The following PPP1R9A variants were observed in gnomAD, a reference collection of about 807,000 sequenced individuals.
PPP1R9A encodes protein phosphatase 1 regulatory subunit 9A.
PPP1R9A carries 59 observed loss-of-function variants against 141.9 expected under a neutral mutation model. That is an observed-to-expected ratio of 0.42 (90% confidence interval 0.34 to 0.52). PPP1R9A has a LOEUF of 0.52. PPP1R9A is among the 20% of genes least tolerant of loss of function. PPP1R9A has a pLI of 0.10. For missense variants in PPP1R9A, 1,444 were observed against 1,611.9 expected (o/e 0.90, Z 1.78); for synonymous variants, 500 against 569.7 (o/e 0.88, Z 1.74).
intron 2 of PPP1R9A, among the ~76,000 whole-genome samples, chr7:94,940,508 A>G (rs916985399): frequency 2.6e-5 from 4 of 152,088 alleles, no homozygotes; most frequent in African/African-American, 9.7e-5. Context: ...GATGCTAATC[A>G]TAGCTCATAA....
At chr7:95,107,152 C>T (rs1337301726) in intron 2 of PPP1R9A, among the ~76,000 whole-genome samples, 1 of 152,060 alleles carries the variant, frequency 6.6e-6, no homozygotes, top group African/African-American at 2.4e-5. Context: ...TTTTAATTTG[C>T]ATTTGCTTAA....
chr7:95,045,337 A>T (rs1197030970), intron 2 of PPP1R9A, among the ~76,000 whole-genome samples: 1 of 152,166 alleles, frequency 6.6e-6, no homozygotes, highest in African/African-American at 2.4e-5. Context: ...GTGGCGTATG[A>T]CCTTTTGATT....
chr7:95,286,414 T>C, intron 18 of PPP1R9A, 89 bp downstream of exon 18: 1 of 1,549,290 alleles, frequency 6.5e-7, no homozygotes, highest in Non-Finnish European at 8.7e-7. Flanking sequence ...TTAGGGTAGA[T>C]ATTGCATAGA....
rs146474967 is a variant in PPP1R9A, at chr7:95,177,714, G to A, written c.1754+15743G>A. The stretch of plus-strand genomic sequence containing the variant: ...TTTCATGCAAATGGACACCAAAAGC[G>A]AGGAGTAGCTATTCTTACAAAAGAC... On this transcript the variant is annotated intron_variant, in intron 5 of 19. Coordinates refer to ENST00000433360, the MANE Select transcript of PPP1R9A (RefSeq NM_001166160.2). Among the ~76,000 whole-genome samples the A allele has an allele frequency of 7.7e-3, 1,174 of 152,064 alleles. 28 individuals are homozygous for A. The highest frequency in any genetic ancestry group is 0.04 in the Admixed American group (616 of 15,256).
intron 2 of PPP1R9A, among the ~76,000 whole-genome samples, chr7:94,950,039 A>G (rs1241219936): frequency 2.6e-5 from 4 of 151,932 alleles, no homozygotes; most frequent in Non-Finnish European, 5.9e-5. Flanking sequence ...GATCCCAAAA[A>G]CACTTTGTCT....
At chr7:95,072,299 T>C (rs1813934160) in intron 2 of PPP1R9A, among the ~76,000 whole-genome samples, 1 of 145,016 alleles carries the variant, frequency 6.9e-6, no homozygotes, top group Admixed American at 7.1e-5. Context: ...TTATAAAAAT[T>C]AATAATATTG....
At chr7:95,254,475 A>C (rs142608450) in intron 12 of PPP1R9A, among the ~76,000 whole-genome samples, 2 of 152,052 alleles carry the variant, frequency 1.3e-5, no homozygotes, top group Non-Finnish European at 2.9e-5. Flanking sequence ...TCCATCACCA[A>C]CGTTTTGTAC....
rs1836602367 is a variant in PPP1R9A, at chr7:95,198,386, G to C, written c.1792G>C (p.Glu598Gln). ...IGREKPGQVS[E>Q]VAQLISQTLE... is the part of the protein sequence containing the mutation. The stretch of plus-strand genomic sequence containing the variant: ...GCGGGAAAAACCAGGACAAGTGAGC[G>C]AGGTTGCCCAGTTGATAAGCCAGAC... The change falls in exon 6 of 20, where the codon GAG (glutamate) becomes CAG (glutamine). Residue 598 changes from glutamate to glutamine, a missense_variant. Physicochemically the swap from Glu to Gln is conservative, Grantham distance 29. This residue lies in a region of PPP1R9A where 488 missense variants were observed against 542.0 expected (regional missense o/e 0.90). Coordinates refer to ENST00000433360, the MANE Select transcript of PPP1R9A (RefSeq NM_001166160.2). The C allele has an allele frequency of 6.2e-7, 1 of 1,612,450 alleles. No homozygotes were observed. Among genetic ancestry groups the C allele is most frequent in the Non-Finnish European group, 8.5e-7 (1 of 1,179,442 alleles).
intron 2 of PPP1R9A, among the ~76,000 whole-genome samples, chr7:94,997,023 C>G (rs1265085975): frequency 6.6e-6 from 1 of 152,078 alleles, no homozygotes; most frequent in Non-Finnish European, 1.5e-5. Context: ...AGGCTGGTCT[C>G]AAACTCCTGA....
At chr7:95,177,056 C>T (rs1340467618) in intron 5 of PPP1R9A, among the ~76,000 whole-genome samples, 5 of 152,030 alleles carry the variant, frequency 3.3e-5, no homozygotes, top group Non-Finnish European at 5.9e-5. Flanking sequence ...ATCACCCAGG[C>T]GCATTGTCAT....
intron 12 of PPP1R9A, among the ~76,000 whole-genome samples, chr7:95,258,146 G>C (rs1376562709): frequency 1.3e-5 from 2 of 151,912 alleles, no homozygotes; most frequent in Non-Finnish European, 2.9e-5. Flanking sequence ...GTGTAAAAGT[G>C]TTCCTATTTC....
At chr7:95,093,045 A>C (rs1267125766) in intron 2 of PPP1R9A, among the ~76,000 whole-genome samples, 3 of 152,230 alleles carry the variant, frequency 2.0e-5, no homozygotes, top group African/African-American at 7.2e-5. Flanking sequence ...TCAATATGGC[A>C]GGTGGAGATG....
At chr7:94,992,380 C>T (rs1356013102) in intron 2 of PPP1R9A, among the ~76,000 whole-genome samples, 1 of 152,100 alleles carries the variant, frequency 6.6e-6, no homozygotes, top group African/African-American at 2.4e-5. Flanking sequence ...TGTTTGTTCG[C>T]CTGATGACAG....
chr7:95,286,011 G>T (rs1358994468), intron 17 of PPP1R9A, among the ~76,000 whole-genome samples, 195 bp from the exon 18 acceptor site: 1 of 152,128 alleles, frequency 6.6e-6, no homozygotes, highest in Non-Finnish European at 1.5e-5. Flanking sequence ...TCATCACATG[G>T]AGAAAGCACC....
In PPP1R9A at chr7:94,911,199, A is replaced by G. The variant is rs150356554; in HGVS notation, c.1086A>G (p.Lys362=). Residue 362 remains lysine, a synonymous_variant, in exon 2 of 20, where the codon AAA becomes AAG. Transcript: ENST00000433360. ...GGGAGGCAGCAAAGCAACAGAGGAA[A>G]GAACTTGCAGGTGGTGATTTCACCT... ...VGREAAKQQR[K]ELAGGDFTSP... is the part of the protein sequence containing the mutation. 97 of 1,614,248 alleles carry G rather than the reference A, an allele frequency of 6.0e-5. No homozygotes were observed. The African/African-American group carries it at 1.0e-3, about 17-fold the overall frequency.
At chr7:95,040,210 A>C (rs1809030640) in intron 2 of PPP1R9A, among the ~76,000 whole-genome samples, 1 of 152,050 alleles carries the variant, frequency 6.6e-6, no homozygotes, top group Non-Finnish European at 1.5e-5. Context: ...AGACCTAATA[A>C]CTTCTCTCTC....
At chr7:94,942,352 A>G (rs924839797) in intron 2 of PPP1R9A, among the ~76,000 whole-genome samples, 7 of 152,214 alleles carry the variant, frequency 4.6e-5, no homozygotes, top group African/African-American at 1.2e-4. Flanking sequence ...GAATAAGTCA[A>G]CCCTATCAAT....
chr7:95,205,684 G>A (rs1483093213), intron 7 of PPP1R9A, among the ~76,000 whole-genome samples: 2 of 152,112 alleles, frequency 1.3e-5, no homozygotes, highest in African/African-American at 4.8e-5. Flanking sequence ...TTGTATGTCA[G>A]CTTAATCCTG....
chr7:94,910,253 A>G lies in PPP1R9A; in HGVS notation c.140A>G (p.Glu47Gly), dbSNP rs776954561. Reference protein sequence around the residue: ...PKSDGEQKTKEGEGSQQSRGR... With the variant: ...PKSDGEQKTKGGEGSQQSRGR... ...TCAGATGGGGAACAAAAAACAAAAG[A>G]AGGTGAGGGCTCCCAGCAGAGCAGG... The change falls in exon 2 of 20, where the codon GAA (glutamate) becomes GGA (glycine). Residue 47 changes from glutamate to glycine, a missense_variant. Transcript: ENST00000433360. This position sits in a 1 kb window ranked among gnomAD's most constrained non-coding sequence, Gnocchi z 4.5. 20 of 1,614,000 alleles carry G rather than the reference A, an allele frequency of 1.2e-5. No homozygotes were observed. The South Asian group carries it at 2.2e-4, about 18-fold the overall frequency.
Sources: allele counts gnomAD v4.1 joint callset (sites outside exome capture counted in the v4.1 genomes callset), GRCh38; gene constraint gnomAD v4.1.1; regional missense constraint gnomAD v4.1.1; non-coding constraint Gnocchi (gnomAD v3.1); transcripts MANE v1.5; gene names NCBI Gene and HGNC (gene_info 2026-07-23, HGNC 2026-07-21).